PELI1: variants seen among roughly 807,000 people sequenced by gnomAD.
PELI1 encodes the protein pellino E3 ubiquitin protein ligase 1.
A neutral mutation model predicts 41.3 loss-of-function variants in PELI1; 15 were observed. That is an observed-to-expected ratio of 0.36 (90% CI 0.24 to 0.56). The LOEUF (loss-of-function observed/expected upper bound fraction) is 0.56, where lower values mean the gene tolerates loss of function less well. Among genes scored for constraint, PELI1 ranks in the 20% least tolerant of loss-of-function variants. The pLI, the probability that PELI1 is intolerant of heterozygous loss-of-function variation, is 0.82. For synonymous variants in PELI1, 178 were observed against 180.1 expected (o/e 0.99, Z 0.09); for missense variants, 403 against 525.5 (o/e 0.77, Z 2.28).
Position 64,095,145 on chromosome 2 carries a change from T to G in PELI1, c.814A>C (p.Arg272=), listed in dbSNP as rs370071351. 6 of 1,614,090 alleles carry G rather than the reference T, an allele frequency of 3.7e-6. No homozygotes were observed. In the African/African-American group the frequency reaches 8.0e-5, roughly 22 times the overall value. The change falls in exon 7 of 7, where the codon AGA becomes CGA. Residue 272 remains arginine, a synonymous_variant. Transcript: ENST00000358912. The part of the protein sequence containing the change: ...TPTVKHLEAL[R]QEINAARPQC... Reference sequence around the variant, plus strand: ...GGTCGTGCTGCATTGATTTCCTGTCTTAAAGCTTCTAAATGCTTCACGGTA... The same window carrying G: ...GGTCGTGCTGCATTGATTTCCTGTCGTAAAGCTTCTAAATGCTTCACGGTA...
chr2:64,123,831 G>A (rs1229781033), intron 1 of PELI1, among the ~76,000 whole-genome samples: 1 of 152,158 alleles, frequency 6.6e-6, no homozygotes, highest in Non-Finnish European at 1.5e-5. Flanking sequence ...TCCACACACA[G>A]ACTGTGCATT....
At chr2:64,115,901 T>C (rs1327506115) in intron 1 of PELI1, among the ~76,000 whole-genome samples, 2 of 152,242 alleles carry the variant, frequency 1.3e-5, no homozygotes, top group Non-Finnish European at 2.9e-5. Context: ...GCTGAGATTA[T>C]CTGAACCTTT....
intron 1 of PELI1, among the ~76,000 whole-genome samples, chr2:64,129,236 A>T (rs1435861249): frequency 6.6e-6 from 1 of 152,190 alleles, no homozygotes; most frequent in Non-Finnish European, 1.5e-5. Context: ...TGCCTTCAAC[A>T]TTGTGTGGGT....
chr2:64,117,298 A>C (rs1435365666), intron 1 of PELI1, among the ~76,000 whole-genome samples: 1 of 152,006 alleles, frequency 6.6e-6, no homozygotes, highest in East Asian at 1.9e-4. Flanking sequence ...AGAAATGTTT[A>C]TAATCTGTTC....
At chr2:64,099,705 TA>T (rs1680360275) in intron 4 of PELI1, among the ~76,000 whole-genome samples, 1 of 152,218 alleles carries the variant, frequency 6.6e-6, no homozygotes, top group Admixed American at 6.5e-5. Context: ...ATTTATGTTG[TA>T]CTTAAGTTTG....
chr2:64,130,107 TTC>T (rs1681508969), intron 1 of PELI1, among the ~76,000 whole-genome samples: 1 of 152,208 alleles, frequency 6.6e-6, no homozygotes, highest in African/African-American at 2.4e-5. Context: ...TCCACCATAA[TTC>T]CAGATTCTTC....
In PELI1 at chr2:64,094,766, C is replaced by T; in HGVS notation, c.1193G>A (p.Cys398Tyr). 1.2e-6 allele frequency: 2 copies of T among 1,614,118 alleles called. No individual in the cohort carries two copies. The highest frequency in any genetic ancestry group is 1.7e-6 in the Non-Finnish European group (2 of 1,180,012). The change falls in exon 7 of 7, where the codon TGT becomes TAT. Residue 398 changes from cysteine (C) to tyrosine (Y), a missense_variant. Cys to Tyr is a radical substitution (Grantham distance 194). Coordinates refer to ENST00000358912, the MANE Select transcript of PELI1 (RefSeq NM_020651.4). ...TTGTTCACCAGCCAACTGATGTGCA[C>T]AAAAGGGACAGGCTGCATGAAAAGT... is the stretch of plus-strand genomic sequence containing the variant. ...THTFHAACPF[C>Y]AHQLAGEQGY... is the part of the protein sequence containing the mutation.
chr2:64,099,135 A>G (rs1375694151), intron 4 of PELI1, among the ~76,000 whole-genome samples: 1 of 151,298 alleles, frequency 6.6e-6, no homozygotes, highest in East Asian at 1.9e-4. Flanking sequence ...TGAAGCTAAA[A>G]TTCTAGCCTG....
intron 3 of PELI1, among the ~76,000 whole-genome samples, chr2:64,100,979 C>T (rs976842937): frequency 2.0e-5 from 3 of 152,188 alleles, no homozygotes; most frequent in African/African-American, 4.8e-5. Flanking sequence ...ATCCGCCTGC[C>T]TCAGCCTCCC....
intron 3 of PELI1, among the ~76,000 whole-genome samples, chr2:64,103,414 G>C (rs1680511406): frequency 6.6e-6 from 1 of 151,974 alleles, no homozygotes; most frequent in Non-Finnish European, 1.5e-5. Flanking sequence ...TGTGGGTGAA[G>C]GACCTATAAA....
intron 1 of PELI1, among the ~76,000 whole-genome samples, chr2:64,130,237 C>G (rs574263777): frequency 2.6e-5 from 4 of 152,238 alleles, no homozygotes; most frequent in South Asian, 4.2e-4. Context: ...GTCTGAAACT[C>G]CTGGGTTACT....
At chr2:64,096,097 A>G in intron 6 of PELI1, 28 bp downstream of exon 6, 2 of 1,513,354 alleles carry the variant, frequency 1.3e-6, no homozygotes, top group Non-Finnish European at 1.8e-6. Flanking sequence ...TATTGTAGCT[A>G]ATTAAGAAAA....
intron 1 of PELI1, 133 bp downstream of exon 1, chr2:64,143,948 G>A (rs1210998205): frequency 1.5e-5 from 2 of 130,966 alleles, no homozygotes; most frequent in African/African-American, 2.9e-5. Context: ...CGCAGCGGGG[G>A]CGCGCAGGCG....
At chr2:64,127,680 G>A (rs1405950244) in intron 1 of PELI1, among the ~76,000 whole-genome samples, 1 of 152,040 alleles carries the variant, frequency 6.6e-6, no homozygotes, top group Non-Finnish European at 1.5e-5. Flanking sequence ...ACAAGACCTT[G>A]ACTGTGACAA....
chr2:64,117,814 AT>A (rs879313044), intron 1 of PELI1, among the ~76,000 whole-genome samples: 116 of 146,338 alleles, frequency 7.9e-4, no homozygotes, highest in Admixed American at 9.6e-4. Flanking sequence ...TTTCCCAATA[AT>A]TTTTTTTTTT....
At chr2:64,104,851 T>C (rs779711692) in intron 2 of PELI1, 21 bp from the exon 3 acceptor site, 5 of 1,604,198 alleles carry the variant, frequency 3.1e-6, no homozygotes, top group South Asian at 1.1e-5. Context: ...AAAAAAAGTA[T>C]AGGTGATCTC....
intron 3 of PELI1, among the ~76,000 whole-genome samples, chr2:64,101,329 TA>T (rs538288635): frequency 1.6e-4 from 22 of 139,882 alleles, no homozygotes; most frequent in African/African-American, 2.3e-4. Context: ...GAAAAAAATT[TA>T]AAAAAAAAAA....
chr2:64,097,886 G>A (rs554448874), intron 4 of PELI1, among the ~76,000 whole-genome samples: 4 of 152,176 alleles, frequency 2.6e-5, no homozygotes, highest in Non-Finnish European at 5.9e-5. Flanking sequence ...ATATAAGATT[G>A]GATATTCCTT....
intron 1 of PELI1, among the ~76,000 whole-genome samples, chr2:64,109,935 A>G (rs2103693521): frequency 6.6e-6 from 1 of 152,256 alleles, no homozygotes; most frequent in South Asian, 2.1e-4. Flanking sequence ...AAAAGACAGA[A>G]GAAAGAGTAA....
Sources: gnomAD v4.1 joint callset for allele counts (sites outside exome capture counted in the v4.1 genomes callset) on GRCh38, gnomAD v4.1.1 for gene constraint, MANE v1.5 for transcripts, NCBI Gene and HGNC (gene_info 2026-07-23, HGNC 2026-07-21) for gene names.